TMCC1: variants seen among roughly 807,000 people sequenced by gnomAD.
TMCC1 encodes the protein transmembrane and coiled-coil domains protein 1.
In TMCC1, 15 loss-of-function variants were observed where a neutral mutation model predicts 52.4. The ratio of observed to expected loss-of-function variants is 0.29; its 90% CI spans 0.19 to 0.44. The LOEUF (loss-of-function observed/expected upper bound fraction) is 0.44, where lower values mean the gene tolerates loss of function less well. Ranked by LOEUF, TMCC1 falls within the 20% of genes least tolerant of loss-of-function variation. TMCC1 has a pLI of 1.00. For synonymous variants in TMCC1, 279 were observed against 301.9 expected, an observed-to-expected ratio of 0.92 and a Z score of 0.79; for missense variants, 503 against 806.0, an observed-to-expected ratio of 0.62 and a Z score of 4.55.
At chr3:129,840,497 T>G (rs1213229480) in intron 2 of TMCC1, among the ~76,000 whole-genome samples, 5 of 152,172 alleles carry the variant, frequency 3.3e-5, no homozygotes, top group Non-Finnish European at 7.3e-5. Context: ...AAAGTAGATT[T>G]CAGAACAAGA....
At chr3:129,819,330 G>A (rs375100610) in intron 4 of TMCC1, among the ~76,000 whole-genome samples, 5 of 151,936 alleles carry the variant, frequency 3.3e-5, no homozygotes, top group African/African-American at 9.7e-5. Context: ...TGATCCGCCC[G>A]CCTCGGCCTC....
intron 4 of TMCC1, among the ~76,000 whole-genome samples, chr3:129,806,347 T>C (rs966254978): frequency 2.4e-4 from 37 of 152,220 alleles, no homozygotes; most frequent in African/African-American, 6.5e-4. Context: ...TGAGGACAGA[T>C]AGACTAAGCC....
chr3:129,849,763 C>T (rs2059829070), intron 2 of TMCC1, among the ~76,000 whole-genome samples: 1 of 150,638 alleles, frequency 6.6e-6, no homozygotes, highest in Admixed American at 6.6e-5. Flanking sequence ...GAGACTCCAT[C>T]TCAAAAAAAA....
chr3:129,879,938 C>A (rs2061387776), intron 2 of TMCC1, among the ~76,000 whole-genome samples: 1 of 152,108 alleles, frequency 6.6e-6, no homozygotes, highest in Admixed American at 6.5e-5. Context: ...CTTTGGGAAG[C>A]TGAGGTGGGG....
chr3:129,657,937 CA>C (rs2086773809), intron 5 of TMCC1, among the ~76,000 whole-genome samples: 1 of 152,186 alleles, frequency 6.6e-6, no homozygotes. Flanking sequence ...TTCTTCTATA[CA>C]AAAGCTTGTA....
intron 4 of TMCC1, among the ~76,000 whole-genome samples, chr3:129,791,088 A>ATTTTTTT (rs34048545): frequency 4.8e-5 from 4 of 82,968 alleles, no homozygotes; most frequent in African/African-American, 1.6e-4. Context: ...ACACTCCATA[A>ATTTTTTT]TTTTTTTTTT....
chr3:129,676,764 T>G lies in TMCC1; in HGVS notation c.577-5500A>C, dbSNP rs779419699. Among the ~76,000 whole-genome samples the G allele has an allele frequency of 1.3e-3, 205 of 152,296 alleles. 1 individual carries two copies. The highest frequency in any genetic ancestry group is 9.4e-4 in the Non-Finnish European group (64 of 68,012). Reference sequence around the variant, plus strand: ...ACTAGCTGTGTGGTTTTGGGTCACCTACTTGTTCTCTTTCAACCTTAGTTT... The same window carrying G: ...ACTAGCTGTGTGGTTTTGGGTCACCGACTTGTTCTCTTTCAACCTTAGTTT... On this transcript the variant is annotated intron_variant, in intron 4 of 6. Transcript: ENST00000393238.
At chr3:129,753,199 C>T (rs1212549646) in intron 4 of TMCC1, among the ~76,000 whole-genome samples, 2 of 152,158 alleles carry the variant, frequency 1.3e-5, no homozygotes, top group East Asian at 3.9e-4. Context: ...AATCATCTCA[C>T]ATTTTTTGTC....
At chr3:129,768,035 T>C (rs925526950) in intron 4 of TMCC1, among the ~76,000 whole-genome samples, 2 of 152,042 alleles carry the variant, frequency 1.3e-5, no homozygotes, top group Non-Finnish European at 2.9e-5. Context: ...TACAAAAAAA[T>C]GCAAATAGCT....
intron 2 of TMCC1, among the ~76,000 whole-genome samples, chr3:129,857,935 T>C (rs2060217788): frequency 6.6e-6 from 1 of 152,226 alleles, no homozygotes; most frequent in Admixed American, 6.5e-5. Flanking sequence ...TGATGTTATT[T>C]CACATTTTAC....
intron 4 of TMCC1, among the ~76,000 whole-genome samples, chr3:129,746,882 A>G (rs2052026766): frequency 6.6e-6 from 1 of 152,174 alleles, no homozygotes; most frequent in Non-Finnish European, 1.5e-5. Context: ...AAGAACACCT[A>G]CTACCTTACT....
intron 4 of TMCC1, among the ~76,000 whole-genome samples, chr3:129,789,260 T>C (rs1171011116): frequency 6.6e-6 from 1 of 152,180 alleles, no homozygotes; most frequent in African/African-American, 2.4e-5. Flanking sequence ...ACATAAAATT[T>C]ACCATTTTAG....
At chr3:129,693,985 AAC>A (rs1163038463) in intron 4 of TMCC1, among the ~76,000 whole-genome samples, 1 of 152,208 alleles carries the variant, frequency 6.6e-6, no homozygotes, top group Non-Finnish European at 1.5e-5. Flanking sequence ...TACTTTAAGA[AAC>A]AATAGTTGAC....
intron 2 of TMCC1, among the ~76,000 whole-genome samples, chr3:129,857,763 C>T (rs576383426): frequency 2.5e-4 from 38 of 152,148 alleles, no homozygotes; most frequent in South Asian, 1.2e-3. Context: ...CAGGGTTTCA[C>T]CTTGTTAGCC....
intron 4 of TMCC1, among the ~76,000 whole-genome samples, chr3:129,772,819 T>C (rs1002212090): frequency 5.3e-5 from 8 of 149,934 alleles, no homozygotes; most frequent in East Asian, 2.0e-4. Flanking sequence ...ATAAGAGAGA[T>C]ATAAATTAAA....
At chr3:129,762,924 C>T (rs569997178) in intron 4 of TMCC1, among the ~76,000 whole-genome samples, 90 of 152,094 alleles carry the variant, frequency 5.9e-4, no homozygotes, top group African/African-American at 1.8e-3. Context: ...ATAGGCCGGG[C>T]GCGGTGGCTC....
At chr3:129,880,265 T>A (rs185114617) in intron 2 of TMCC1, 44 bp downstream of exon 2, 1 of 152,166 alleles carries the variant, frequency 6.6e-6, no homozygotes, top group Non-Finnish European at 1.5e-5. Context: ...CTGTTCTGAG[T>A]GCCTGGGTGA....
intron 4 of TMCC1, among the ~76,000 whole-genome samples, chr3:129,719,982 A>T (rs1013065674): frequency 1.3e-5 from 2 of 151,862 alleles, no homozygotes; most frequent in African/African-American, 2.4e-5. Flanking sequence ...GGAGTTTGAG[A>T]CCAAGCCTCA....
rs533872684 is a variant in TMCC1, at chr3:129,650,753, T to C, written c.*728A>G. 1 of 152,678 alleles carries C rather than the reference T, an allele frequency of 6.5e-6. No homozygotes were observed. The highest frequency in any genetic ancestry group is 2.4e-5 in the African/African-American group (1 of 41,548). The allele number at this position is 152,678 out of a possible 1,614,324, so 9.5% of individuals were successfully genotyped here. A position where few individuals can be genotyped will look rare whatever the true frequency, so the allele number is the denominator to read the frequency against. ...TTTTAGGTTGGTAACTATACACATA[T>C]AAAAAAACCTTAAAAGTGCGGCCAA... On this transcript the variant is annotated 3_prime_UTR_variant, in exon 7 of 7. Coordinates refer to ENST00000393238, the MANE Select transcript of TMCC1 (RefSeq NM_001017395.5).
Sources: allele counts gnomAD v4.1 joint callset (sites outside exome capture counted in the v4.1 genomes callset), GRCh38; gene constraint gnomAD v4.1.1; transcripts MANE v1.5; gene names NCBI Gene and HGNC (gene_info 2026-07-23, HGNC 2026-07-21).